NSUN7: variants seen among roughly 807,000 people sequenced by gnomAD.
NSUN7 encodes the protein NOP2/Sun RNA methyltransferase family member 7.
NSUN7 carries 39 observed loss-of-function variants against 58.5 expected under a neutral mutation model. The observed-to-expected ratio is 0.67, with a 90% CI of 0.52 to 0.87. NSUN7 has a LOEUF of 0.87. Ranked by LOEUF, NSUN7 falls within the 40% of genes least tolerant of loss-of-function variation. The pLI is 0.00. For synonymous variants in NSUN7, 278 were observed against 303.7 expected, an observed-to-expected ratio of 0.92 and a Z score of 0.88; for missense variants, 765 against 844.1, an observed-to-expected ratio of 0.91 and a Z score of 1.16.
At chr4:40,754,183 ACCC>A (rs1741000901) in intron 2 of NSUN7, among the ~76,000 whole-genome samples, 1 of 145,864 alleles carries the variant, frequency 6.9e-6, no homozygotes, top group Non-Finnish European at 1.5e-5. Context: ...TTGCTCTGTC[ACCC>A]ACGCTGGAGT....
At chr4:40,760,544 G>T in intron 3 of NSUN7, 52 bp downstream of exon 3, 7 of 1,430,644 alleles carry the variant, frequency 4.9e-6, no homozygotes, top group Non-Finnish European at 6.8e-6. Flanking sequence ...TTTTAAAAAA[G>T]AAAGTGTTTA....
chr4:40,765,203 T>A, intron 4 of NSUN7, among the ~76,000 whole-genome samples: 1 of 86,812 alleles, frequency 1.2e-5, no homozygotes, highest in Non-Finnish European at 2.4e-5. Flanking sequence ...CTAGGGTTTT[T>A]ATGGTTTTAG....
rs779850975 is a variant in NSUN7, at chr4:40,761,209, T to C, written c.396T>C (p.Tyr132=). ...GCAGTCTTATTATTGTGATGCTATA[T>C]GATTTCCAAGATAGAAAATTTCAAA... The part of the protein sequence containing the change: ...HLSSLIIVML[Y]DFQDRKFQTR... Residue 132 remains tyrosine (Y), a synonymous_variant, in exon 4 of 12, where the codon TAT becomes TAC. Transcript: ENST00000381782. 3 of 1,585,680 alleles carry C rather than the reference T, an allele frequency of 1.9e-6. No individual in the cohort carries two copies. The highest frequency in any genetic ancestry group is 1.7e-6 in the Non-Finnish European group (2 of 1,171,190).
intron 9 of NSUN7, among the ~76,000 whole-genome samples, chr4:40,797,465 C>T (rs917745038): frequency 6.6e-6 from 1 of 152,164 alleles, no homozygotes; most frequent in South Asian, 2.1e-4. Flanking sequence ...CATACTTGTT[C>T]CTCCCACAGT....
At chr4:40,773,455 G>C (rs975446269) in intron 4 of NSUN7, among the ~76,000 whole-genome samples, 1 of 152,148 alleles carries the variant, frequency 6.6e-6, no homozygotes. Flanking sequence ...GGCTGAGGCG[G>C]GCGGATCACT....
At position 40,761,089 on chromosome 4, in the gene NSUN7, T is replaced by TA; in HGVS notation, c.358-80dup. 3 of 1,118,940 alleles carry TA rather than the reference T, an allele frequency of 2.7e-6. No homozygotes were observed. In the South Asian group the frequency reaches 4.3e-5, roughly 16 times the overall value. 69.3% of individuals were successfully genotyped at this position (1,118,940 alleles called of 1,614,324 possible). On this transcript the variant is annotated intron_variant, in intron 3 of 11. Transcript: ENST00000381782. The stretch of plus-strand genomic sequence containing the variant: ...CGTATTCCTGCTCTGTTATGAAAAA[T>TA]AATGGAATGGAATGGAATGGAAAAT...
At chr4:40,788,487 G>GC (rs1410435146) in intron 7 of NSUN7, among the ~76,000 whole-genome samples, 2 of 152,106 alleles carry the variant, frequency 1.3e-5, no homozygotes, top group East Asian at 3.8e-4. Context: ...GAGGAACTGG[G>GC]CCAGTTCTTA....
chr4:40,788,809 G>C (rs1439754622), intron 7 of NSUN7, among the ~76,000 whole-genome samples: 1 of 152,168 alleles, frequency 6.6e-6, no homozygotes, highest in East Asian at 1.9e-4. Context: ...GTGCTCTGCT[G>C]AGTTTCCAAG....
At position 40,810,830 on chromosome 4, in the gene NSUN7, TC is replaced by T. The variant is rs1424034705; in HGVS notation, c.*1893del. The T allele has an allele frequency of 6.6e-6, 1 of 152,180 alleles. No individual in the cohort carries two copies. Among genetic ancestry groups the T allele is most frequent in the African/African-American group, 2.4e-5 (1 of 41,444 alleles). 9.4% of individuals were successfully genotyped at this position (152,180 alleles called of 1,614,324 possible). On this transcript the variant is annotated 3_prime_UTR_variant, in exon 12 of 12. Transcript: ENST00000381782. ...ATTTCTATCTGGTTGGTTAGGGTAG[TC>T]CATGCCTCAAGGAAGGCGGTGCAGC...
rs1331420214 is a variant in NSUN7, at chr4:40,794,423, A to G, written c.1229A>G (p.Lys410Arg). 3.7e-6 allele frequency: 6 copies of G among 1,612,970 alleles called. No individual in the cohort carries two copies. The highest frequency in any genetic ancestry group is 2.7e-5 in the African/African-American group (2 of 74,914). The change falls in exon 9 of 12, where the codon AAA becomes AGA. Residue 410 changes from lysine (K) to arginine (R), a missense_variant. Transcript: ENST00000381782. ...TCTCAAGGAGGCATCTCAGTGGACA[A>G]ACTTCACGTTCTTGCTCAACAGCAG... ...DHSQGGISVD[K>R]LHVLAQQQYE...
intron 10 of NSUN7, among the ~76,000 whole-genome samples, chr4:40,799,754 AG>A (rs958023993): frequency 1.3e-5 from 2 of 152,208 alleles, no homozygotes; most frequent in Non-Finnish European, 2.9e-5. Flanking sequence ...ATCACTTCTT[AG>A]TACCCCAAAG....
chr4:40,754,494 C>T (rs1377688615), intron 2 of NSUN7, among the ~76,000 whole-genome samples: 2 of 152,164 alleles, frequency 1.3e-5, no homozygotes, highest in African/African-American at 2.4e-5. Context: ...ATGCATTTCA[C>T]TTTTATCTTC....
rs780465408 is a variant in NSUN7, at chr4:40,750,770, C to G, written c.77C>G (p.Pro26Arg). 2.5e-6 allele frequency: 4 copies of G among 1,614,186 alleles called. No individual in the cohort carries two copies. The South Asian group carries it at 4.4e-5, about 18-fold the overall frequency. Reference sequence around the variant, plus strand: ...ATCATCTCCCAACTCACTTCCCTGCCTCTGTCCGGTGGGAAAAGCTCAGCT... The same window carrying G: ...ATCATCTCCCAACTCACTTCCCTGCGTCTGTCCGGTGGGAAAAGCTCAGCT... ...PEIISQLTSL[P>R]LSGGKSSAGV... Residue 26 changes from proline (P) to arginine (R), a missense_variant, in exon 2 of 12, where the codon CCT becomes CGT. Coordinates refer to ENST00000381782, the MANE Select transcript of NSUN7 (RefSeq NM_024677.6).
At chr4:40,781,184 A>G (rs568547522) in intron 7 of NSUN7, among the ~76,000 whole-genome samples, 2 of 152,074 alleles carry the variant, frequency 1.3e-5, no homozygotes, top group Non-Finnish European at 2.9e-5. Flanking sequence ...CTCATGCCTC[A>G]ATCTCCTGAG....
chr4:40,762,655 C>T (rs1741514307), intron 4 of NSUN7: 1 of 152,230 alleles, frequency 6.6e-6, no homozygotes, highest in African/African-American at 2.4e-5. Context: ...AACCCCAGGG[C>T]TGCAGACCAG....
chr4:40,761,186 A>T lies in NSUN7; in HGVS notation c.373A>T (p.Ser125Cys), dbSNP rs1443400101. ...PSTTIPDHLS[S>C]LIIVMLYDFQ... ...CCCTTGTTAGCCAGATCATTTGAGC[A>T]GTCTTATTATTGTGATGCTATATGA... The change falls in exon 4 of 12, where the codon AGT becomes TGT. Residue 125 changes from serine to cysteine, a missense_variant. Physicochemically the swap from Ser to Cys is moderately radical, Grantham distance 112 (BLOSUM62 -1). Transcript: ENST00000381782. 4.4e-6 allele frequency: 7 copies of T among 1,580,432 alleles called. No individual in the cohort carries two copies. Among genetic ancestry groups the T allele is most frequent in the Non-Finnish European group, 5.1e-6 (6 of 1,169,098 alleles).
intron 10 of NSUN7, among the ~76,000 whole-genome samples, chr4:40,799,327 T>G (rs542907546): frequency 3.3e-5 from 5 of 152,060 alleles, no homozygotes; most frequent in Non-Finnish European, 7.4e-5. Flanking sequence ...CCTCAGGTAA[T>G]CCACCTGCCT....
At chr4:40,795,516 CA>C (rs1743285079) in intron 9 of NSUN7, among the ~76,000 whole-genome samples, 1 of 152,106 alleles carries the variant, frequency 6.6e-6, no homozygotes, top group Non-Finnish European at 1.5e-5. Flanking sequence ...AAAAAAGCTT[CA>C]GAAAGAATCT....
At chr4:40,788,943 C>T (rs56346749) in intron 7 of NSUN7, among the ~76,000 whole-genome samples, 2,540 of 152,196 alleles carry the variant, frequency 0.017, 70 homozygotes, top group African/African-American at 0.058. Context: ...CTACTTAACA[C>T]AAGAGAATAG....
Sources: gnomAD v4.1 joint callset for allele counts (sites outside exome capture counted in the v4.1 genomes callset) on GRCh38, gnomAD v4.1.1 for gene constraint, MANE v1.5 for transcripts, NCBI Gene and HGNC (gene_info 2026-07-23, HGNC 2026-07-21) for gene names.